Variants in RBFOX1 observed in about 807,000 individuals in gnomAD.
RBFOX1 encodes RNA binding protein fox-1 homolog 1.
In RBFOX1, 8 loss-of-function variants were observed where a neutral mutation model predicts 57.7. That is an observed-to-expected ratio of 0.14 (90% CI 0.08 to 0.25). RBFOX1 has a LOEUF of 0.25. RBFOX1 is among the 10% of genes least tolerant of loss of function. The pLI is 1.00. For missense variants in RBFOX1, 611 were observed against 548.5 expected, an observed-to-expected ratio of 1.11 and a Z score of -1.14; for synonymous variants, 326 against 222.4, an observed-to-expected ratio of 1.47 and a Z score of -4.15.
chr16:7,509,300 A>C (rs901846557), intron 4 of RBFOX1, among the ~76,000 whole-genome samples: 1 of 152,162 alleles, frequency 6.6e-6, no homozygotes, highest in African/African-American at 2.4e-5. Context: ...TAAGGTCTAT[A>C]GGGACAAAGA....
At chr16:6,652,103 G>A (rs559596979) in intron 2 of RBFOX1, among the ~76,000 whole-genome samples, 22 of 152,274 alleles carry the variant, frequency 1.4e-4, no homozygotes, top group Non-Finnish European at 3.1e-4. Context: ...GGTAATTCAG[G>A]TTAAGTGATG....
intron 1 of RBFOX1, among the ~76,000 whole-genome samples, chr16:6,268,493 C>T (rs2074811631): frequency 6.6e-6 from 1 of 152,262 alleles, no homozygotes; most frequent in Admixed American, 6.5e-5. Flanking sequence ...CAGCATAGAC[C>T]TCCTGAATCA....
chr16:6,534,103 A>G (rs950674911), intron 2 of RBFOX1, among the ~76,000 whole-genome samples: 1 of 152,196 alleles, frequency 6.6e-6, no homozygotes, highest in Non-Finnish European at 1.5e-5. Context: ...AGAGATGCTC[A>G]TTGCATGTTT....
intron 2 of RBFOX1, among the ~76,000 whole-genome samples, chr16:6,573,509 A>C (rs1328816358): frequency 6.6e-6 from 1 of 152,122 alleles, no homozygotes; most frequent in African/African-American, 2.4e-5. Context: ...AATTCTTCTG[A>C]TTTACTGTGA....
chr16:7,285,198 A>G (rs1329114633), intron 4 of RBFOX1, among the ~76,000 whole-genome samples: 1 of 147,574 alleles, frequency 6.8e-6, no homozygotes, highest in African/African-American at 2.5e-5. Flanking sequence ...TTTTATTGAG[A>G]TAATTGCAGA....
At chr16:7,070,151 C>T (rs1370337434) in intron 4 of RBFOX1, among the ~76,000 whole-genome samples, 1 of 152,106 alleles carries the variant, frequency 6.6e-6, no homozygotes, top group Non-Finnish European at 1.5e-5. Flanking sequence ...GTGCATTTCC[C>T]AAAAGTTAAA....
rs1173147448 is a variant in RBFOX1, at chr16:5,955,153, G to A, written c.351+87818G>A. Reference sequence around the variant, plus strand: ...AAAAAAAAAAAAAAAAAAGCCAGGCGCACCTGTAGTCCCAGCTTCTCAGGA... The same window carrying A: ...AAAAAAAAAAAAAAAAAAGCCAGGCACACCTGTAGTCCCAGCTTCTCAGGA... On this transcript the variant is annotated intron_variant, in intron 4 of 19. Transcript: ENST00000641259. Among the ~76,000 whole-genome samples the A allele has an allele frequency of 2.2e-4, 12 of 54,658 alleles. 1 individual carries two copies. Among genetic ancestry groups the A allele is most frequent in the African/African-American group, 7.1e-4 (8 of 11,302 alleles). The allele number at this position is 54,658 out of a possible 152,430, so 35.9% of individuals were successfully genotyped here.
chr16:7,165,900 G>A (rs1386665773), intron 4 of RBFOX1, among the ~76,000 whole-genome samples: 1 of 147,366 alleles, frequency 6.8e-6, no homozygotes, highest in Non-Finnish European at 1.5e-5. Context: ...TGGATTCTCT[G>A]TCTCTTGCCC....
chr16:6,669,506 T>A (rs1177368225), intron 3 of RBFOX1, among the ~76,000 whole-genome samples: 2 of 152,196 alleles, frequency 1.3e-5, no homozygotes, highest in African/African-American at 4.8e-5. Flanking sequence ...TGCAGTATGA[T>A]TGACAAGTAA....
At chr16:7,007,703 A>T (rs2093381941) in intron 3 of RBFOX1, among the ~76,000 whole-genome samples, 1 of 152,108 alleles carries the variant, frequency 6.6e-6, no homozygotes, top group African/African-American at 2.4e-5. Context: ...TTTTGCTGCT[A>T]ATTTCTTGAC....
intron 3 of RBFOX1, among the ~76,000 whole-genome samples, chr16:6,949,196 C>T (rs1487848847): frequency 6.6e-6 from 1 of 151,930 alleles, no homozygotes; most frequent in Non-Finnish European, 1.5e-5. Context: ...ATAAAAGCTA[C>T]AAAAGCTAAA....
chr16:5,555,735 C>G (rs2045644655), intron 2 of RBFOX1, among the ~76,000 whole-genome samples: 1 of 151,836 alleles, frequency 6.6e-6, no homozygotes, highest in African/African-American at 2.4e-5. Context: ...AAGACCCTCT[C>G]CCTCGGCTGG....
chr16:5,879,938 C>T (rs374926500), intron 4 of RBFOX1, among the ~76,000 whole-genome samples: 10 of 152,146 alleles, frequency 6.6e-5, no homozygotes, highest in Non-Finnish European at 8.8e-5. Context: ...ACTCACAGTC[C>T]GCCAGCTAGA....
chr16:5,555,663 G>A (rs949914478), intron 2 of RBFOX1, among the ~76,000 whole-genome samples: 1 of 152,144 alleles, frequency 6.6e-6, no homozygotes, highest in Non-Finnish European at 1.5e-5. Context: ...TAGCTCTGTT[G>A]AAGTGAGGAT....
intron 5 of RBFOX1, among the ~76,000 whole-genome samples, chr16:7,568,882 CAAAAAAAA>C (rs34858992): frequency 1.3e-5 from 1 of 77,534 alleles, no homozygotes; most frequent in Non-Finnish European, 2.3e-5. Flanking sequence ...GACTCTGTCT[CAAAAAAAA>C]AAAAAAAAAA....
chr16:6,264,724 G>C (rs912432008), intron 1 of RBFOX1, among the ~76,000 whole-genome samples: 3 of 152,204 alleles, frequency 2.0e-5, no homozygotes, highest in African/African-American at 7.2e-5. Flanking sequence ...TGAGGCCTAA[G>C]TGCCAGGCAG....
intron 2 of RBFOX1, among the ~76,000 whole-genome samples, chr16:6,431,892 G>GCTTTCTTTCTTTCTTT (rs1491491088): frequency 5.5e-4 from 65 of 118,212 alleles, no homozygotes; most frequent in South Asian, 9.1e-4. Context: ...ATGCTTGCTT[G>GCTTTCTTTCTTTCTTT]CTTGCTTTCT....
intron 11 of RBFOX1, among the ~76,000 whole-genome samples, chr16:7,644,932 GGAGA>G (rs2063473333): frequency 6.6e-6 from 1 of 152,104 alleles, no homozygotes; most frequent in African/African-American, 2.4e-5. Flanking sequence ...CCTGGACAAA[GGAGA>G]GAGAATCTGC....
At position 6,671,041 on chromosome 16, in the gene RBFOX1, G is replaced by A. The variant is rs180862636; in HGVS notation, c.-16+16391G>A. On this transcript the variant is annotated intron_variant, in intron 3 of 15. Coordinates refer to ENST00000550418, the MANE Select transcript of RBFOX1 (RefSeq NM_018723.4). ...GGTTTCCTTATTTACTTGGTATGTTGCAATTTGGTAGAAATCATTTAAAAA... is the reference window on the plus strand; with the variant it reads ...GGTTTCCTTATTTACTTGGTATGTTACAATTTGGTAGAAATCATTTAAAAA... Among the ~76,000 whole-genome samples the A allele has an allele frequency of 7.2e-4, 109 of 152,238 alleles. 1 individual carries two copies. Among genetic ancestry groups the A allele is most frequent in the Non-Finnish European group, 8.8e-5 (6 of 67,998 alleles).
Sources: allele counts gnomAD v4.1 joint callset (sites outside exome capture counted in the v4.1 genomes callset), GRCh38; gene constraint gnomAD v4.1.1; transcripts MANE v1.5; gene names NCBI Gene and HGNC (gene_info 2026-07-23, HGNC 2026-07-21).